Variants in ZNF385B observed in about 807,000 individuals in gnomAD.
ZNF385B encodes the protein zinc finger protein 385B.
In ZNF385B, 23 loss-of-function variants were observed where a neutral mutation model predicts 39.2. That is an observed-to-expected ratio of 0.59 (90% confidence interval 0.42 to 0.83). The LOEUF is 0.83. Ranked by LOEUF, ZNF385B falls within the 40% of genes least tolerant of loss-of-function variation. The pLI is 0.00. For synonymous variants in ZNF385B, 205 were observed against 222.6 expected (o/e 0.92, Z 0.70); for missense variants, 552 against 598.9 (o/e 0.92, Z 0.82).
At chr2:179,849,059 A>G (rs1436234547) in intron 1 of ZNF385B, among the ~76,000 whole-genome samples, 2 of 152,174 alleles carry the variant, frequency 1.3e-5, no homozygotes, top group Non-Finnish European at 2.9e-5. Flanking sequence ...TTCAGTTTAA[A>G]TATGTTTATA....
intron 1 of ZNF385B, among the ~76,000 whole-genome samples, chr2:179,789,139 A>T (rs1036450201): frequency 6.6e-6 from 1 of 152,144 alleles, no homozygotes; most frequent in Non-Finnish European, 1.5e-5. Context: ...GTCGACTTTG[A>T]CTTAATTCTA....
intron 3 of ZNF385B, among the ~76,000 whole-genome samples, chr2:179,671,165 G>T (rs550134512): frequency 1.3e-5 from 2 of 152,202 alleles, no homozygotes; most frequent in Non-Finnish European, 2.9e-5. Context: ...TCTGGCGACT[G>T]TCAGCTGCTT....
chr2:179,755,295 G>C (rs1172164041), intron 3 of ZNF385B, among the ~76,000 whole-genome samples: 1 of 152,232 alleles, frequency 6.6e-6, no homozygotes. Flanking sequence ...TGGTCTGAGA[G>C]ACAGTTTGTT....
chr2:179,701,112 C>A (rs1032293177), intron 3 of ZNF385B, among the ~76,000 whole-genome samples: 4 of 152,150 alleles, frequency 2.6e-5, no homozygotes, highest in Non-Finnish European at 5.9e-5. Flanking sequence ...ACAATACAAA[C>A]CACTATTAAT....
chr2:179,714,942 C>CAAAAAAA (rs34449760), intron 3 of ZNF385B, among the ~76,000 whole-genome samples: 8 of 79,220 alleles, frequency 1.0e-4, no homozygotes, highest in East Asian at 8.0e-4. Flanking sequence ...GATTCTATCT[C>CAAAAAAA]AAAAAAAAAA....
chr2:179,824,029 C>T (rs973048958), intron 1 of ZNF385B, among the ~76,000 whole-genome samples: 5 of 152,034 alleles, frequency 3.3e-5, no homozygotes, highest in Non-Finnish European at 7.4e-5. Context: ...ATCTTCATAC[C>T]TTAGTATGAA....
At chr2:179,758,206 A>T (rs569614172) in intron 3 of ZNF385B, among the ~76,000 whole-genome samples, 2 of 152,292 alleles carry the variant, frequency 1.3e-5, no homozygotes, top group East Asian at 3.9e-4. Flanking sequence ...GTCTTAGGCC[A>T]TTCCTGCTGC....
intron 1 of ZNF385B, among the ~76,000 whole-genome samples, chr2:179,854,608 C>A (rs563453720): frequency 6.6e-6 from 1 of 152,232 alleles, no homozygotes; most frequent in Admixed American, 6.5e-5. Flanking sequence ...GGCCTCCAGA[C>A]GATGAAAACC....
intron 3 of ZNF385B, among the ~76,000 whole-genome samples, chr2:179,607,804 T>C (rs1688940055): frequency 6.6e-6 from 1 of 152,164 alleles, no homozygotes. Context: ...GTGTTTCTGC[T>C]GACAGACAAA....
intron 9 of ZNF385B, 22 bp from the exon 10 acceptor site, chr2:179,443,490 G>A: frequency 6.4e-7 from 1 of 1,551,798 alleles, no homozygotes; most frequent in Non-Finnish European, 8.8e-7. Context: ...AGAAAACCAG[G>A]AATGGGGTGG....
chr2:179,636,881 G>GT (rs1237905520), intron 3 of ZNF385B, among the ~76,000 whole-genome samples: 3 of 152,038 alleles, frequency 2.0e-5, no homozygotes, highest in Non-Finnish European at 2.9e-5. Flanking sequence ...TGTCGATATA[G>GT]TTTTTTTCTT....
At chr2:179,656,866 T>A (rs2106263512) in intron 3 of ZNF385B, among the ~76,000 whole-genome samples, 1 of 152,340 alleles carries the variant, frequency 6.6e-6, no homozygotes, top group Non-Finnish European at 1.5e-5. Flanking sequence ...ATGATTTAGA[T>A]ATTATACCTC....
intron 4 of ZNF385B, among the ~76,000 whole-genome samples, chr2:179,524,466 G>C (rs1468153129): frequency 7.0e-6 from 1 of 142,414 alleles, no homozygotes; most frequent in African/African-American, 2.6e-5. Flanking sequence ...GCAGGAGAAT[G>C]ACGTGAACCT....
chr2:179,783,947 T>C (rs1373593626), intron 1 of ZNF385B, among the ~76,000 whole-genome samples: 24 of 152,148 alleles, frequency 1.6e-4, no homozygotes, highest in Admixed American at 1.6e-3. Flanking sequence ...AGAACTACCA[T>C]TTGACCCAGC....
intron 1 of ZNF385B, among the ~76,000 whole-genome samples, chr2:179,823,827 T>G (rs1707535125): frequency 6.6e-6 from 1 of 152,190 alleles, no homozygotes; most frequent in Non-Finnish European, 1.5e-5. Flanking sequence ...AATGATGGTT[T>G]CCAAATATTT....
intron 3 of ZNF385B, among the ~76,000 whole-genome samples, chr2:179,634,743 C>G (rs1048895802): frequency 8.5e-5 from 13 of 152,142 alleles, no homozygotes; most frequent in African/African-American, 3.1e-4. Context: ...AGTATAAAGA[C>G]ACATGCACAC....
At chr2:179,613,751 C>T (rs1689487934) in intron 3 of ZNF385B, among the ~76,000 whole-genome samples, 1 of 152,128 alleles carries the variant, frequency 6.6e-6, no homozygotes, top group Non-Finnish European at 1.5e-5. Context: ...ACTTCCTTGG[C>T]CAACCCAGCT....
At chr2:179,802,154 C>A (rs1706073939) in intron 1 of ZNF385B, among the ~76,000 whole-genome samples, 1 of 152,126 alleles carries the variant, frequency 6.6e-6, no homozygotes, top group Non-Finnish European at 1.5e-5. Flanking sequence ...CAGCTGGCTG[C>A]CATGCTAACC....
At chr2:179,443,864 G>C (rs772194671) in intron 9 of ZNF385B, among the ~76,000 whole-genome samples, 1 of 152,172 alleles carries the variant, frequency 6.6e-6, no homozygotes, top group Non-Finnish European at 1.5e-5. Flanking sequence ...GAATAAGTGT[G>C]ATCCTTCCCT....
Sources: gnomAD v4.1 joint callset for allele counts (sites outside exome capture counted in the v4.1 genomes callset) on GRCh38, gnomAD v4.1.1 for gene constraint, MANE v1.5 for transcripts, NCBI Gene and HGNC (gene_info 2026-07-23, HGNC 2026-07-21) for gene names.